MTMR2: variants seen among roughly 807,000 people sequenced by gnomAD.
MTMR2 encodes myotubularin related protein 2.
A neutral mutation model predicts 86.9 loss-of-function variants in MTMR2; 55 were observed. The observed-to-expected ratio is 0.63, with a 90% confidence interval of 0.51 to 0.79. The LOEUF is 0.79. Among genes scored for constraint, MTMR2 ranks in the 30% least tolerant of loss-of-function variants. MTMR2 has a pLI of 0.00. For synonymous variants in MTMR2, 241 were observed against 266.8 expected (o/e 0.90, Z 0.94); for missense variants, 659 against 772.3 (o/e 0.85, Z 1.74).
Position 95,835,338 on chromosome 11 carries a change from T to C in MTMR2, c.1884A>G (p.Arg628=). The C allele has an allele frequency of 6.2e-7, 1 of 1,613,112 alleles. No homozygotes were observed. The highest frequency in any genetic ancestry group is 8.5e-7 in the Non-Finnish European group (1 of 1,179,368). The change falls in exon 15 of 15, where the codon AGA becomes AGG. Residue 628 remains arginine (R), a synonymous_variant. Transcript: ENST00000346299. The part of the protein sequence containing the change: ...ISNRSTSSSE[R]ASSPAQCVTP... The stretch of plus-strand genomic sequence containing the variant: ...TGACACACTGTGCAGGAGAGCTGGC[T>C]CTCTCTGAGGATGAGGTTGATCGGT...
intron 2 of MTMR2, among the ~76,000 whole-genome samples, chr11:95,881,361 T>C (rs1865315265): frequency 6.6e-6 from 1 of 152,138 alleles, no homozygotes; most frequent in South Asian, 2.1e-4. Flanking sequence ...TGCATATAAA[T>C]TTTAGAGTCA....
intron 9 of MTMR2, among the ~76,000 whole-genome samples, chr11:95,848,827 G>T (rs763473534): frequency 2.6e-5 from 4 of 152,112 alleles, no homozygotes; most frequent in Non-Finnish European, 4.4e-5. Flanking sequence ...CACAATTATA[G>T]AATTTACAGT....
chr11:95,912,404 T>C (rs886856878), intron 1 of MTMR2, among the ~76,000 whole-genome samples: 2 of 151,722 alleles, frequency 1.3e-5, no homozygotes, highest in African/African-American at 2.4e-5. Context: ...AAATTTATAA[T>C]TGAAAAATAT....
chr11:95,868,146 C>G (rs12364608), intron 2 of MTMR2, among the ~76,000 whole-genome samples: 10 of 151,432 alleles, frequency 6.6e-5, no homozygotes, highest in Non-Finnish European at 1.2e-4. Context: ...CATCACGGGT[C>G]TACAGTCTCA....
At chr11:95,854,880 C>T (rs1487306452) in intron 7 of MTMR2, among the ~76,000 whole-genome samples, 1 of 152,108 alleles carries the variant, frequency 6.6e-6, no homozygotes, top group Non-Finnish European at 1.5e-5. Context: ...ATGCTCAGGG[C>T]TCACTGCAGC....
At chr11:95,886,119 C>T (rs1865503229) in intron 2 of MTMR2, among the ~76,000 whole-genome samples, 2 of 152,236 alleles carry the variant, frequency 1.3e-5, no homozygotes, top group Admixed American at 6.5e-5. Context: ...TGGCATCCTG[C>T]ATGGGTAGGA....
intron 1 of MTMR2, among the ~76,000 whole-genome samples, chr11:95,914,708 A>G (rs767586367): frequency 2.0e-5 from 3 of 152,162 alleles, no homozygotes; most frequent in Non-Finnish European, 4.4e-5. Flanking sequence ...TCATGTCCTT[A>G]TCACTACCAC....
Position 95,855,530 on chromosome 11 carries a change from G to C in MTMR2, c.654+2022C>G, listed in dbSNP as rs111285969. Among the ~76,000 whole-genome samples the C allele has an allele frequency of 6.6e-3, 999 of 152,332 alleles. 7 individuals are homozygous for C. Among genetic ancestry groups the C allele is most frequent in the African/African-American group, 0.011 (465 of 41,574 alleles). On this transcript the variant is annotated intron_variant, in intron 7 of 14. Coordinates refer to ENST00000346299, the MANE Select transcript of MTMR2 (RefSeq NM_016156.6). ...GCCTCCCAAAGTGCTGGGATTACAG[G>C]TGTGAGCCACTGCGCCCAGCCTTTG...
At chr11:95,860,965 G>A (rs1244138601) in intron 5 of MTMR2, among the ~76,000 whole-genome samples, 2 of 151,966 alleles carry the variant, frequency 1.3e-5, no homozygotes, top group Non-Finnish European at 2.9e-5. Context: ...GGACCATCCT[G>A]GCTAACATGG....
At chr11:95,843,231 G>A (rs940258264) in intron 11 of MTMR2, among the ~76,000 whole-genome samples, 1 of 152,060 alleles carries the variant, frequency 6.6e-6, no homozygotes, top group African/African-American at 2.4e-5. Context: ...AATACTTGAA[G>A]GCTTTTCTGA....
chr11:95,858,764 G>A, intron 5 of MTMR2, 132 bp from the exon 6 acceptor site: 1 of 660,370 alleles, frequency 1.5e-6, no homozygotes, highest in East Asian at 2.8e-5. Context: ...TCAGACATCA[G>A]CTCCTGGAGA....
At position 95,921,181 on chromosome 11, in the gene MTMR2, TATAA is replaced by T. The variant is rs10555058; in HGVS notation, c.80+2690_80+2693del. 1.9e-3 allele frequency among the ~76,000 whole-genome samples: 285 copies of T among 152,372 alleles called. 2 individuals are homozygous for T. The highest frequency in any genetic ancestry group is 6.7e-3 in the African/African-American group (279 of 41,588). On this transcript the variant is annotated intron_variant, in intron 1 of 14. Coordinates refer to ENST00000346299, the MANE Select transcript of MTMR2 (RefSeq NM_016156.6). ...AACAAGGAGCATACATAATTTTTTC[TATAA>T]ATAATTTTCTTTGTAGCTAAACTCA...
At chr11:95,917,517 CT>C (rs1446978079) in intron 1 of MTMR2, among the ~76,000 whole-genome samples, 6 of 152,194 alleles carry the variant, frequency 3.9e-5, no homozygotes, top group Admixed American at 3.3e-4. Flanking sequence ...GGGTGCTGAC[CT>C]TCAACGCAGC....
intron 1 of MTMR2, among the ~76,000 whole-genome samples, chr11:95,904,038 C>T (rs1866168006): frequency 6.6e-6 from 1 of 152,090 alleles, no homozygotes; most frequent in Admixed American, 6.5e-5. Flanking sequence ...TCACTTGAAC[C>T]CGGGAGGTGG....
intron 2 of MTMR2, among the ~76,000 whole-genome samples, chr11:95,870,799 A>G (rs1321173304): frequency 2.0e-5 from 3 of 146,722 alleles, no homozygotes; most frequent in Admixed American, 6.9e-5. Flanking sequence ...GGTTTGTTAC[A>G]TATGTATACA....
intron 9 of MTMR2, among the ~76,000 whole-genome samples, chr11:95,848,179 A>C (rs968850015): frequency 1.5e-4 from 23 of 152,208 alleles, no homozygotes; most frequent in Non-Finnish European, 1.5e-5. Context: ...ACTGTAAAGC[A>C]CTAAATTTTC....
At chr11:95,898,403 C>A (rs1312839818) in intron 1 of MTMR2, among the ~76,000 whole-genome samples, 2 of 152,036 alleles carry the variant, frequency 1.3e-5, no homozygotes, top group African/African-American at 4.8e-5. Flanking sequence ...AGATACTACT[C>A]ATCTAGGAAC....
intron 1 of MTMR2, 145 bp downstream of exon 1, chr11:95,923,730 A>C (rs1488512625): frequency 6.8e-7 from 1 of 1,464,742 alleles, no homozygotes; most frequent in Non-Finnish European, 9.0e-7. Flanking sequence ...GGAGGGAGGC[A>C]GAAGTGGTTC....
intron 11 of MTMR2, among the ~76,000 whole-genome samples, chr11:95,843,270 T>C (rs561209910): frequency 8.1e-4 from 124 of 152,306 alleles, no homozygotes; most frequent in African/African-American, 2.8e-3. Context: ...TTAACAAGTG[T>C]GATTTTATGG....
Sources: allele counts gnomAD v4.1 joint callset (sites outside exome capture counted in the v4.1 genomes callset), GRCh38; gene constraint gnomAD v4.1.1; transcripts MANE v1.5; gene names NCBI Gene and HGNC (gene_info 2026-07-23, HGNC 2026-07-21).